The following IPO11 variants were observed in gnomAD, a reference collection of about 807,000 sequenced individuals.
IPO11 encodes importin 11.
In IPO11, 66 loss-of-function variants were observed where a neutral mutation model predicts 143.2. That is an observed-to-expected ratio of 0.46 (90% CI 0.38 to 0.57). IPO11 has a LOEUF of 0.57. Ranked by LOEUF, IPO11 falls within the 20% of genes least tolerant of loss-of-function variation. The pLI, the probability that IPO11 is intolerant of heterozygous loss-of-function variation, is 0.00. For missense variants in IPO11, 1,026 were observed against 1,141.0 expected, an observed-to-expected ratio of 0.90 and a Z score of 1.45; for synonymous variants, 385 against 377.8, an observed-to-expected ratio of 1.02 and a Z score of -0.22.
chr5:62,561,410 G>T (rs1053071281), intron 27 of IPO11, among the ~76,000 whole-genome samples, 153 bp downstream of exon 27: 19 of 151,766 alleles, frequency 1.3e-4, no homozygotes, highest in Middle Eastern at 3.4e-3. Flanking sequence ...GGTAAATGTT[G>T]GTCTGGATCC....
chr5:62,533,926 G>A (rs918338961), intron 22 of IPO11, among the ~76,000 whole-genome samples: 1 of 148,124 alleles, frequency 6.8e-6, no homozygotes, highest in South Asian at 2.1e-4. Context: ...TTCCAGCTTG[G>A]GCAACAGAAC....
chr5:62,485,538 TA>T (rs1746366594), intron 12 of IPO11, 76 bp downstream of exon 12: 1 of 1,157,838 alleles, frequency 8.6e-7, no homozygotes, highest in Admixed American at 1.9e-5. Context: ...AATGACACTC[TA>T]TTAAAGATTC....
intron 24 of IPO11, among the ~76,000 whole-genome samples, chr5:62,546,475 C>T (rs532514860): frequency 3.2e-4 from 49 of 152,162 alleles, no homozygotes; most frequent in African/African-American, 1.2e-3. Context: ...GGAGGGATAG[C>T]ATTAGGAGAT....
chr5:62,623,716 G>A (rs1159286931), intron 29 of IPO11, among the ~76,000 whole-genome samples: 2 of 147,582 alleles, frequency 1.4e-5, no homozygotes, highest in Non-Finnish European at 1.5e-5. Context: ...GCACAATCTC[G>A]GCTCACTGCA....
intron 29 of IPO11, among the ~76,000 whole-genome samples, chr5:62,622,968 A>G (rs1397167228): frequency 6.6e-6 from 1 of 152,188 alleles, no homozygotes; most frequent in South Asian, 2.1e-4. Flanking sequence ...TAGTTTGATG[A>G]TTGAGCTTGT....
intron 22 of IPO11, among the ~76,000 whole-genome samples, chr5:62,536,008 A>G (rs572806130): frequency 6.6e-6 from 1 of 152,178 alleles, no homozygotes; most frequent in Non-Finnish European, 1.5e-5. Context: ...AGTTTTAACA[A>G]ATAGTTTCTA....
At chr5:62,484,202 C>T (rs772463189) in intron 11 of IPO11, 40 bp downstream of exon 11, 57 of 1,515,162 alleles carry the variant, frequency 3.8e-5, no homozygotes, top group South Asian at 1.0e-4. Context: ...ACTTTTCTCC[C>T]CTTTCTATAA....
intron 1 of IPO11, among the ~76,000 whole-genome samples, chr5:62,436,246 C>G (rs149577162): frequency 1.6e-3 from 237 of 152,304 alleles, no homozygotes; most frequent in African/African-American, 5.5e-3. Context: ...TGCCATTTCA[C>G]TGCAATTTAA....
In IPO11 at chr5:62,591,563, T is replaced by C; in HGVS notation, c.2583-14T>C. 5.9e-6 allele frequency: 9 copies of C among 1,518,484 alleles called. No individual in the cohort carries two copies. Among genetic ancestry groups the C allele is most frequent in the Non-Finnish European group, 8.1e-6 (9 of 1,113,206 alleles). The allele number at this position is 1,518,484 out of a possible 1,614,324, so 94.1% of individuals were successfully genotyped here. A position where few individuals can be genotyped will look rare whatever the true frequency, so the allele number is the denominator to read the frequency against. ...GTATTCCAGTTAACCTGTTTTGCTT[T>C]TCTTTTATTCTAGTGTTATCCAAGA... is the stretch of plus-strand genomic sequence containing the variant. On this transcript the variant is annotated splice_polypyrimidine_tract_variant and intron_variant, in intron 27 of 29. Coordinates refer to ENST00000325324, the MANE Select transcript of IPO11 (RefSeq NM_016338.5).
rs1187591087 is a variant in IPO11, at chr5:62,420,291, C to CAAA, written c.-7+7379_-7+7381dup. Among the ~76,000 whole-genome samples, 630 of 68,922 alleles carry CAAA rather than the reference C, an allele frequency of 9.1e-3. 11 individuals are homozygous for CAAA. The highest frequency in any genetic ancestry group is 0.031 in the African/African-American group (605 of 19,702). The allele number at this position is 68,922 out of a possible 152,430, so 45.2% of individuals were successfully genotyped here. A position where few individuals can be genotyped will look rare whatever the true frequency, so the allele number is the denominator to read the frequency against. On this transcript the variant is annotated intron_variant, in intron 1 of 29. Coordinates refer to ENST00000325324, the MANE Select transcript of IPO11 (RefSeq NM_016338.5). Reference sequence around the variant, plus strand: ...GGGCAACAAGAGTGAAGCTCCGTCTCAAAAAAAAAAAAAAAAAAAGTATAA... The same window carrying CAAA: ...GGGCAACAAGAGTGAAGCTCCGTCTCAAAAAAAAAAAAAAAAAAAAAAGTATAA...
intron 24 of IPO11, among the ~76,000 whole-genome samples, chr5:62,547,039 CAA>C (rs1458031561): frequency 1.3e-5 from 2 of 152,004 alleles, no homozygotes; most frequent in African/African-American, 4.8e-5. Context: ...CCTAAAGATA[CAA>C]AAGAGACTGA....
intron 1 of IPO11, among the ~76,000 whole-genome samples, chr5:62,434,274 A>G (rs1316439132): frequency 6.6e-6 from 1 of 151,846 alleles, no homozygotes; most frequent in Non-Finnish European, 1.5e-5. Flanking sequence ...CCCAGTCTAA[A>G]GTGACACACT....
chr5:62,601,902 G>GAACC, intron 29 of IPO11, 54 bp downstream of exon 29: 2 of 1,114,734 alleles, frequency 1.8e-6, no homozygotes, highest in Non-Finnish European at 2.6e-6. Context: ...ATCATTTTCT[G>GAACC]TAGGTTCAGA....
intron 5 of IPO11, among the ~76,000 whole-genome samples, chr5:62,463,150 T>C (rs1431107838): frequency 6.6e-6 from 1 of 152,052 alleles, no homozygotes; most frequent in Non-Finnish European, 1.5e-5. Context: ...CAAATGATCC[T>C]CCCACCTCAG....
intron 29 of IPO11, among the ~76,000 whole-genome samples, chr5:62,606,480 T>TAAAAAAAA (rs760722973): frequency 8.9e-5 from 5 of 56,106 alleles, no homozygotes; most frequent in African/African-American, 3.3e-4. Flanking sequence ...GACCCTGTCT[T>TAAAAAAAA]AAAAAAAAAA....
chr5:62,513,218 C>T (rs1256854984), intron 19 of IPO11, among the ~76,000 whole-genome samples: 1 of 150,330 alleles, frequency 6.7e-6, no homozygotes. Flanking sequence ...GGGGCGCTGA[C>T]CCCCCCATCT....
chr5:62,595,982 G>A (rs993976584), intron 28 of IPO11, among the ~76,000 whole-genome samples: 2 of 151,728 alleles, frequency 1.3e-5, no homozygotes, highest in African/African-American at 4.8e-5. Context: ...TTAGTGGCCC[G>A]GCGCGGTGGC....
chr5:62,615,128 G>T, intron 29 of IPO11, among the ~76,000 whole-genome samples: 1 of 152,262 alleles, frequency 6.6e-6, no homozygotes, highest in East Asian at 1.9e-4. Flanking sequence ...GTGGTGGGCC[G>T]TATGGAAACT....
chr5:62,553,256 A>G (rs1375905931), intron 26 of IPO11, among the ~76,000 whole-genome samples: 1 of 151,930 alleles, frequency 6.6e-6, no homozygotes, highest in Non-Finnish European at 1.5e-5. Context: ...AAGGCTCTCT[A>G]GCCTCACTCA....
Sources: gnomAD v4.1 joint callset for allele counts (sites outside exome capture counted in the v4.1 genomes callset) on GRCh38, gnomAD v4.1.1 for gene constraint, MANE v1.5 for transcripts, NCBI Gene and HGNC (gene_info 2026-07-23, HGNC 2026-07-21) for gene names.